Variants in CPA3 observed in about 807,000 individuals in gnomAD.
The protein encoded by CPA3 is mast cell carboxypeptidase A.
Under a neutral mutation model 55.8 loss-of-function variants are expected in CPA3, and 52 were observed. That is an observed-to-expected ratio of 0.93 (90% CI 0.75 to 1.17). CPA3 has a LOEUF of 1.17. Ranked by LOEUF, CPA3 falls within the 50% of genes most tolerant of loss-of-function variation. The probability of loss-of-function intolerance (pLI) is 0.00; values close to 1 mark genes in which losing one functional copy is unlikely to be tolerated. For synonymous variants in CPA3, 179 were observed against 171.2 expected, an observed-to-expected ratio of 1.05 and a Z score of -0.36; for missense variants, 547 against 509.1, an observed-to-expected ratio of 1.07 and a Z score of -0.72.
intron 10 of CPA3, among the ~76,000 whole-genome samples, chr3:148,889,168 A>G (rs1714605932): frequency 6.6e-6 from 1 of 152,228 alleles, no homozygotes; most frequent in African/African-American, 2.4e-5. Context: ...TCTAGAACAG[A>G]CTGCTTTAAT....
In CPA3 at chr3:148,886,177, T is replaced by C. The variant is rs201872849; in HGVS notation, c.1066T>C (p.Tyr356His). ...CTATGGCCCAATAGAATCAACAATT[T>C]GTAAGTCATTCCTCTTATTTACTGA... ...YIYGPIESTI[Y>H]PISGSSLDWA... is the part of the protein sequence containing the mutation. Residue 356 changes from tyrosine to histidine, a missense_variant and splice_region_variant, in exon 10 of 11, where the codon TAC (tyrosine) becomes CAC (histidine). By Grantham distance (83) the Tyr-to-His change is moderately conservative. Coordinates refer to ENST00000296046, the MANE Select transcript of CPA3 (RefSeq NM_001870.4). 7 of 1,597,948 alleles carry C rather than the reference T, an allele frequency of 4.4e-6. No homozygotes were observed. The highest frequency in any genetic ancestry group is 3.3e-4 in the Middle Eastern group (2 of 6,036).
rs1201231979 is a variant in CPA3, at chr3:148,883,701, C to T, written c.867C>T (p.Phe289=). The change falls in exon 9 of 11, where the codon TTC becomes TTT. Residue 289 remains phenylalanine (F), a synonymous_variant. Coordinates refer to ENST00000296046, the MANE Select transcript of CPA3 (RefSeq NM_001870.4). The part of the protein sequence containing the change: ...SEKETKAVTN[F]IRSHLNEIKV... ...AAGAGACGAAAGCTGTCACTAATTTCATTAGAAGCCACCTGAATGAAATCA... is the reference window on the plus strand; with the variant it reads ...AAGAGACGAAAGCTGTCACTAATTTTATTAGAAGCCACCTGAATGAAATCA... The T allele has an allele frequency of 1.2e-6, 2 of 1,614,076 alleles. No homozygotes were observed. Among genetic ancestry groups the T allele is most frequent in the Non-Finnish European group, 1.7e-6 (2 of 1,179,956 alleles).
At chr3:148,883,024 C>T (rs1714412874) in intron 8 of CPA3, among the ~76,000 whole-genome samples, 1 of 152,134 alleles carries the variant, frequency 6.6e-6, no homozygotes, top group Non-Finnish European at 1.5e-5. Flanking sequence ...CGATGATAAG[C>T]AGAGGCCTGC....
intron 3 of CPA3, among the ~76,000 whole-genome samples, chr3:148,875,901 A>G (rs1714188304): frequency 1.3e-5 from 2 of 152,180 alleles, no homozygotes; most frequent in African/African-American, 4.8e-5. Flanking sequence ...GTTTTCCTGT[A>G]AAAAGCAGAA....
intron 10 of CPA3, among the ~76,000 whole-genome samples, chr3:148,894,600 T>C (rs1321850343): frequency 6.6e-6 from 1 of 152,170 alleles, no homozygotes; most frequent in Non-Finnish European, 1.5e-5. Context: ...AAGAAACTCA[T>C]TTCCAATATA....
chr3:148,865,616 T>C, intron 2 of CPA3, 68 bp downstream of exon 2: 1 of 1,358,906 alleles, frequency 7.4e-7, no homozygotes, highest in Non-Finnish European at 1.0e-6. Flanking sequence ...CTTATTTTAC[T>C]GTCAATGCCC....
At position 148,896,681 on chromosome 3, in the gene CPA3, A is replaced by G. The variant is rs1168723718; in HGVS notation, c.1228A>G (p.Lys410Glu). The G allele has an allele frequency of 6.5e-7, 1 of 1,549,280 alleles. No individual in the cohort carries two copies. Among genetic ancestry groups the G allele is most frequent in the Admixed American group, 1.7e-5 (1 of 59,364 alleles). Reference sequence around the variant, plus strand: ...CATGCTAGCTGTCAAATTTATTGCCAAGTATATCCTCAAGCATACTTCCTA... The same window carrying G: ...CATGCTAGCTGTCAAATTTATTGCCGAGTATATCCTCAAGCATACTTCCTA... ...ETMLAVKFIA[K>E]YILKHTS is the part of the protein sequence containing the mutation. Residue 410 changes from lysine to glutamate, a missense_variant, in exon 11 of 11, where the codon AAG becomes GAG. Lys to Glu is a moderately conservative substitution (Grantham distance 56). Coordinates refer to ENST00000296046, the MANE Select transcript of CPA3 (RefSeq NM_001870.4).
At chr3:148,887,765 A>C (rs1714571165) in intron 10 of CPA3, among the ~76,000 whole-genome samples, 1 of 152,178 alleles carries the variant, frequency 6.6e-6, no homozygotes. Flanking sequence ...TCCCCATGAA[A>C]CTTCTCAAAA....
Position 148,896,679 on chromosome 3 carries a change from C to T in CPA3, c.1226C>T (p.Ala409Val). 1 of 1,548,270 alleles carries T rather than the reference C, an allele frequency of 6.5e-7. No homozygotes were observed. ...ACCATGCTAGCTGTCAAATTTATTG[C>T]CAAGTATATCCTCAAGCATACTTCC... ...RETMLAVKFI[A>V]KYILKHTS is the part of the protein sequence containing the mutation. Residue 409 changes from alanine to valine, a missense_variant, in exon 11 of 11, where the codon GCC becomes GTC. Ala to Val is a moderately conservative substitution (Grantham distance 64). Coordinates refer to ENST00000296046, the MANE Select transcript of CPA3 (RefSeq NM_001870.4).
rs1182878244 is a variant in CPA3 at position 148,883,636 on chromosome 3, T to C, written c.802T>C (p.Cys268Arg). The C allele has an allele frequency of 1.9e-6, 3 of 1,613,986 alleles. No homozygotes were observed. Among genetic ancestry groups the C allele is most frequent in the Non-Finnish European group, 2.5e-6 (3 of 1,179,950 alleles). The change falls in exon 9 of 11, where the codon TGT becomes CGT. Residue 268 changes from cysteine (C) to arginine (R), a missense_variant. Coordinates refer to ENST00000296046, the MANE Select transcript of CPA3 (RefSeq NM_001870.4). ...WNSIPNTNDP[C>R]ADNYRGSAPE... ...AGCCATTCCTAACACCAATGACCCA[T>C]GTGCAGATAACTATCGGGGCTCTGC...
intron 2 of CPA3, among the ~76,000 whole-genome samples, chr3:148,866,783 A>C (rs1713911863): frequency 6.6e-6 from 1 of 152,034 alleles, no homozygotes; most frequent in African/African-American, 2.4e-5. Flanking sequence ...TTTTGTTTTG[A>C]GACAGAGTCT....
Position 148,870,832 on chromosome 3 carries a change from A to C in CPA3, c.269+1793A>C, listed in dbSNP as rs372064564. On this transcript the variant is annotated intron_variant, in intron 3 of 10. Coordinates refer to ENST00000296046, the MANE Select transcript of CPA3 (RefSeq NM_001870.4). Reference sequence around the variant, plus strand: ...ATTATCTGTTTACATTAAGGTTCAGATAATGTATTGACTCTTTCATCTAAA... The same window carrying C: ...ATTATCTGTTTACATTAAGGTTCAGCTAATGTATTGACTCTTTCATCTAAA... Among the ~76,000 whole-genome samples the C allele has an allele frequency of 5.3e-5, 8 of 152,318 alleles. No homozygotes were observed. In the South Asian group the frequency reaches 8.3e-4, roughly 16 times the overall value.
At chr3:148,870,965 C>T (rs1214294591) in intron 3 of CPA3, among the ~76,000 whole-genome samples, 1 of 152,206 alleles carries the variant, frequency 6.6e-6, no homozygotes, top group Admixed American at 6.5e-5. Flanking sequence ...GTGGCGCAAT[C>T]TGGGTTCACT....
chr3:148,891,067 T>C (rs966975307), intron 10 of CPA3, among the ~76,000 whole-genome samples: 31 of 152,218 alleles, frequency 2.0e-4, no homozygotes, highest in Admixed American at 9.2e-4. Flanking sequence ...GCTTGAATCC[T>C]GATTCGACCA....
intron 9 of CPA3, among the ~76,000 whole-genome samples, chr3:148,885,569 C>A (rs904459264): frequency 3.3e-5 from 5 of 151,692 alleles, no homozygotes; most frequent in Non-Finnish European, 5.9e-5. Context: ...TGGCACCACC[C>A]CCAGCTAATT....
chr3:148,865,497 C>G lies in CPA3; in HGVS notation c.93C>G (p.Pro31=). 2 of 1,613,762 alleles carry G rather than the reference C, an allele frequency of 1.2e-6. No homozygotes were observed. Among genetic ancestry groups the G allele is most frequent in the Middle Eastern group, 1.7e-4 (1 of 6,060 alleles). Residue 31 remains proline (P), a synonymous_variant, in exon 2 of 11, where the codon CCC becomes CCG. Coordinates refer to ENST00000296046, the MANE Select transcript of CPA3 (RefSeq NM_001870.4). ...GGGAGAAGGTGTTCCGCGTGAAGCC[C>G]CAGGATGAAAAACAAGCAGACATCA... ...FDREKVFRVK[P]QDEKQADIIK... is the part of the protein sequence containing the mutation.
rs79984616 is a variant in CPA3 at position 148,884,724 on chromosome 3, A to G, written c.981+909A>G. On this transcript the variant is annotated intron_variant, in intron 9 of 10. Coordinates refer to ENST00000296046, the MANE Select transcript of CPA3 (RefSeq NM_001870.4). ...ATACAACAAAGAAGACATACCAGCAATATATGGCCCATAGTCATTTATTAT... is the reference window on the plus strand; with the variant it reads ...ATACAACAAAGAAGACATACCAGCAGTATATGGCCCATAGTCATTTATTAT... Among the ~76,000 whole-genome samples the G allele has an allele frequency of 3.8e-3, 571 of 152,254 alleles. 2 individuals are homozygous for G. Among genetic ancestry groups the G allele is most frequent in the African/African-American group, 0.013 (551 of 41,546 alleles).
At chr3:148,871,995 T>G (rs116343582) in intron 3 of CPA3, among the ~76,000 whole-genome samples, 1 of 152,188 alleles carries the variant, frequency 6.6e-6, no homozygotes, top group East Asian at 1.9e-4. Context: ...TAAACCATAT[T>G]AAAAGGCTGG....
Position 148,896,588 on chromosome 3 carries a change from C to G in CPA3, c.1135C>G (p.Leu379Val), listed in dbSNP as rs1714835042. ...CATCAAACACACATTTGCCTTTGAGCTCCGAGATAAAGGCAAATTTGGTTT... is the reference window on the plus strand; with the variant it reads ...CATCAAACACACATTTGCCTTTGAGGTCCGAGATAAAGGCAAATTTGGTTT... ...LGIKHTFAFE[L>V]RDKGKFGFLL... The change falls in exon 11 of 11, where the codon CTC becomes GTC. Residue 379 changes from leucine to valine, a missense_variant. Coordinates refer to ENST00000296046, the MANE Select transcript of CPA3 (RefSeq NM_001870.4). 4 of 1,587,668 alleles carry G rather than the reference C, an allele frequency of 2.5e-6. No individual in the cohort carries two copies. The highest frequency in any genetic ancestry group is 1.7e-4 in the Middle Eastern group (1 of 5,964).
Sources: allele counts gnomAD v4.1 joint callset (sites outside exome capture counted in the v4.1 genomes callset), GRCh38; gene constraint gnomAD v4.1.1; transcripts MANE v1.5; gene names NCBI Gene and HGNC (gene_info 2026-07-23, HGNC 2026-07-21).